Variants in AP2B1 observed in about 807,000 individuals in gnomAD.
AP2B1 encodes the protein adaptor related protein complex 2 subunit beta 1, also known as AP-2 complex subunit beta.
A neutral mutation model predicts 102.0 loss-of-function variants in AP2B1; 23 were observed. The observed-to-expected ratio is 0.23, with a 90% confidence interval of 0.16 to 0.32. AP2B1 has a LOEUF of 0.32. Ranked by LOEUF, AP2B1 falls within the 10% of genes least tolerant of loss-of-function variation. AP2B1 has a pLI of 1.00. For missense variants in AP2B1, 541 were observed against 1,157.4 expected (o/e 0.47, Z 7.73); for synonymous variants, 381 against 421.2 (o/e 0.90, Z 1.17).
At chr17:35,722,233 G>A (rs587632034) in intron 21 of AP2B1, among the ~76,000 whole-genome samples, 2 of 152,322 alleles carry the variant, frequency 1.3e-5, no homozygotes, top group East Asian at 1.9e-4. Context: ...GACAGAGCAA[G>A]ACTCTGTCTC....
At chr17:35,597,680 A>T (rs1408490478) in intron 2 of AP2B1, among the ~76,000 whole-genome samples, 1 of 152,302 alleles carries the variant, frequency 6.6e-6, no homozygotes, top group East Asian at 1.9e-4. Flanking sequence ...TGGAGCCTGT[A>T]CTTTGCTATA....
intron 10 of AP2B1, among the ~76,000 whole-genome samples, chr17:35,639,080 AT>A: frequency 6.6e-6 from 1 of 152,274 alleles, no homozygotes; most frequent in East Asian, 1.9e-4. Context: ...CTGTAATTTC[AT>A]CACTTTGGGA....
intron 18 of AP2B1, among the ~76,000 whole-genome samples, chr17:35,685,609 A>G (rs1177566363): frequency 6.6e-6 from 1 of 152,200 alleles, no homozygotes; most frequent in Admixed American, 6.5e-5. Flanking sequence ...TGGCTAATTT[A>G]ATATCAATGT....
intron 21 of AP2B1, among the ~76,000 whole-genome samples, chr17:35,718,367 T>C (rs1555591211): frequency 6.7e-6 from 1 of 148,516 alleles, no homozygotes; most frequent in Non-Finnish European, 1.5e-5. Context: ...TGCTCGCTCC[T>C]GAGGCCTATC....
At chr17:35,635,702 GT>G (rs2074588569) in intron 9 of AP2B1, among the ~76,000 whole-genome samples, 2 of 151,964 alleles carry the variant, frequency 1.3e-5, no homozygotes, top group East Asian at 1.9e-4. Context: ...GTTTGTTTGT[GT>G]TTTTTGTTTT....
chr17:35,608,526 T>G, intron 5 of AP2B1, 139 bp downstream of exon 5: 1 of 1,078,372 alleles, frequency 9.3e-7, no homozygotes, highest in Non-Finnish European at 1.3e-6. Context: ...GTCTCACAGA[T>G]TGTATATTTC....
At chr17:35,709,406 T>TAAAAAAA in intron 19 of AP2B1, 98 bp downstream of exon 19, 3 of 911,764 alleles carry the variant, frequency 3.3e-6, no homozygotes, top group Admixed American at 4.2e-5. Flanking sequence ...ATTTTGAGGT[T>TAAAAAAA]AAAAAAAAAT....
chr17:35,639,377 A>G (rs191528235), intron 10 of AP2B1, among the ~76,000 whole-genome samples: 88 of 152,300 alleles, frequency 5.8e-4, no homozygotes, highest in African/African-American at 2.0e-3. Context: ...ATGAATTTTT[A>G]TAAAGGTTTT....
At chr17:35,618,557 TAAGTTTCTAAGGTTCC>T (rs754528919) in intron 5 of AP2B1, among the ~76,000 whole-genome samples, 4 of 152,152 alleles carry the variant, frequency 2.6e-5, no homozygotes, top group Non-Finnish European at 4.4e-5. Context: ...TGGAAAGTGG[TAAGTTTCTAAGGTTCC>T]AAGGCCACGA....
At chr17:35,621,070 T>C (rs2074162410) in intron 5 of AP2B1, among the ~76,000 whole-genome samples, 1 of 152,244 alleles carries the variant, frequency 6.6e-6, no homozygotes. Flanking sequence ...TGTGATATTA[T>C]TGTCTAGAGA....
intron 10 of AP2B1, among the ~76,000 whole-genome samples, chr17:35,638,891 A>T (rs2074689169): frequency 6.6e-6 from 1 of 152,168 alleles, no homozygotes; most frequent in South Asian, 2.1e-4. Flanking sequence ...TTGTTGTCTA[A>T]CTTCATTTGC....
Position 35,724,715 on chromosome 17 carries a change from G to GC in AP2B1, c.*1018dup, listed in dbSNP as rs2085490633. On this transcript the variant is annotated 3_prime_UTR_variant, in exon 22 of 22. Transcript: ENST00000610402. ...GGCCCGTCAGCTGTGTAGTGGCAAA[G>GC]CCGAGACCGAGTCTCCTAAGTCCCC... 2 of 152,334 alleles carry GC rather than the reference G, an allele frequency of 1.3e-5. No homozygotes were observed. The highest frequency in any genetic ancestry group is 4.8e-5 in the African/African-American group (2 of 41,570). 9.4% of individuals were successfully genotyped at this position (152,334 alleles called of 1,614,324 possible).
intron 18 of AP2B1, among the ~76,000 whole-genome samples, chr17:35,704,248 C>T (rs1465303048): frequency 6.6e-6 from 1 of 152,170 alleles, no homozygotes; most frequent in Non-Finnish European, 1.5e-5. Context: ...TTGTGATCCA[C>T]TACCTGTGTT....
chr17:35,720,728 C>T (rs1223512684), intron 21 of AP2B1, among the ~76,000 whole-genome samples: 1 of 149,976 alleles, frequency 6.7e-6, no homozygotes, highest in Non-Finnish European at 1.5e-5. Flanking sequence ...GGCCCACCCG[C>T]CCCCTGCCCC....
chr17:35,652,268 A>G (rs1338939326), intron 13 of AP2B1, among the ~76,000 whole-genome samples: 2 of 152,208 alleles, frequency 1.3e-5, no homozygotes, highest in African/African-American at 2.4e-5. Flanking sequence ...CTGTTTTGAT[A>G]TAAATGGGAA....
chr17:35,607,010 A>G (rs965592237), intron 4 of AP2B1, among the ~76,000 whole-genome samples: 1 of 151,580 alleles, frequency 6.6e-6, no homozygotes, highest in African/African-American at 2.4e-5. Flanking sequence ...GGCTCAAGTG[A>G]TTCTCCTGCC....
chr17:35,599,020 A>G (rs1412195427), intron 3 of AP2B1, among the ~76,000 whole-genome samples: 1 of 152,244 alleles, frequency 6.6e-6, no homozygotes, highest in African/African-American at 2.4e-5. Flanking sequence ...TGCCAACCAT[A>G]ATGGTAGTCA....
intron 3 of AP2B1, among the ~76,000 whole-genome samples, chr17:35,598,882 G>A (rs528210594): frequency 9.2e-5 from 14 of 152,320 alleles, no homozygotes; most frequent in African/African-American, 2.6e-4. Context: ...GGGTCCGTGA[G>A]GTCAAAGCTG....
At chr17:35,630,015 G>A (rs1462411512) in intron 9 of AP2B1, among the ~76,000 whole-genome samples, 2 of 152,218 alleles carry the variant, frequency 1.3e-5, no homozygotes, top group African/African-American at 4.8e-5. Context: ...TCTGCCTAGA[G>A]TCAGAGGATT....
Sources: gnomAD v4.1 joint callset for allele counts (sites outside exome capture counted in the v4.1 genomes callset) on GRCh38, gnomAD v4.1.1 for gene constraint, MANE v1.5 for transcripts, NCBI Gene and HGNC (gene_info 2026-07-23, HGNC 2026-07-21) for gene names.